MACROD2: variants seen among roughly 807,000 people sequenced by gnomAD.
MACROD2 encodes mono-ADP ribosylhydrolase 2, also known as ADP-ribose glycohydrolase MACROD2.
A neutral mutation model predicts 70.4 loss-of-function variants in MACROD2; 36 were observed. The observed-to-expected ratio is 0.51, with a 90% CI of 0.39 to 0.68. MACROD2 has a LOEUF of 0.68. Ranked by LOEUF, MACROD2 falls within the 30% of genes least tolerant of loss-of-function variation. The pLI, the probability that MACROD2 is intolerant of heterozygous loss-of-function variation, is 0.00. For synonymous variants in MACROD2, 172 were observed against 178.8 expected, an observed-to-expected ratio of 0.96 and a Z score of 0.30; for missense variants, 496 against 538.4, an observed-to-expected ratio of 0.92 and a Z score of 0.78.
intron 5 of MACROD2, among the ~76,000 whole-genome samples, chr20:14,879,445 A>G (rs2073586859): frequency 6.6e-6 from 1 of 152,206 alleles, no homozygotes; most frequent in African/African-American, 2.4e-5. Context: ...GTATACACAT[A>G]TAGATTTGAC....
At chr20:14,183,851 T>A (rs2081324301) in intron 3 of MACROD2, among the ~76,000 whole-genome samples, 1 of 152,136 alleles carries the variant, frequency 6.6e-6, no homozygotes, top group South Asian at 2.1e-4. Context: ...AAAAGTCCTG[T>A]TCATTTCCTT....
At chr20:15,268,978 G>A (rs961505423) in intron 6 of MACROD2, among the ~76,000 whole-genome samples, 2 of 152,196 alleles carry the variant, frequency 1.3e-5, no homozygotes, top group Non-Finnish European at 2.9e-5. Context: ...AAAGAGGAAT[G>A]CCATCTGAAT....
chr20:15,073,190 C>T (rs1021147049), intron 5 of MACROD2, among the ~76,000 whole-genome samples: 1 of 151,944 alleles, frequency 6.6e-6, no homozygotes, highest in Admixed American at 6.6e-5. Context: ...CTAAGATACC[C>T]ATGAAGGAGA....
At chr20:15,866,955 A>G (rs796226788) in intron 9 of MACROD2, among the ~76,000 whole-genome samples, 3 of 152,270 alleles carry the variant, frequency 2.0e-5, no homozygotes, top group African/African-American at 7.2e-5. Flanking sequence ...GCCTCTAAAA[A>G]CAAAGTACCA....
At chr20:15,878,738 C>A (rs541524522) in intron 9 of MACROD2, among the ~76,000 whole-genome samples, 1 of 152,164 alleles carries the variant, frequency 6.6e-6, no homozygotes, top group Non-Finnish European at 1.5e-5. Context: ...AAACAAAAAT[C>A]ATTCACATTA....
In MACROD2 at chr20:15,238,176, C is replaced by T. The variant is rs79216555; in HGVS notation, c.540+8115C>T. On this transcript the variant is annotated intron_variant, in intron 6 of 17. Coordinates refer to ENST00000684519, the MANE Select transcript of MACROD2 (RefSeq NM_001351661.2). ...GCAAAGCTACATTGAATATGCTAAA[C>T]ACAGGTTGCTCAAAGATTTTTATTC... Among the ~76,000 whole-genome samples the T allele has an allele frequency of 9.6e-4, 146 of 152,262 alleles. 1 individual carries two copies. In the East Asian group the frequency reaches 0.027, roughly 28 times the overall value.
chr20:15,975,924 C>T (rs939849290), intron 13 of MACROD2, among the ~76,000 whole-genome samples: 5 of 152,102 alleles, frequency 3.3e-5, no homozygotes, highest in African/African-American at 1.2e-4. Flanking sequence ...CTAGGCTTAA[C>T]TTTTGTTCTT....
chr20:15,404,135 G>C (rs2045966578), intron 6 of MACROD2, among the ~76,000 whole-genome samples: 1 of 152,144 alleles, frequency 6.6e-6, no homozygotes, highest in Non-Finnish European at 1.5e-5. Flanking sequence ...ATGGGCTGTA[G>C]ACAACTAATA....
rs5840594 is a variant in MACROD2 at position 14,134,801 on chromosome 20, C to CAAAAA, written c.271+49090_271+49094dup. Among the ~76,000 whole-genome samples, 20 of 98,220 alleles carry CAAAAA rather than the reference C, an allele frequency of 2.0e-4. 1 individual carries two copies. The highest frequency in any genetic ancestry group is 1.2e-3 in the Admixed American group (9 of 7,368). 64.4% of individuals were successfully genotyped at this position (98,220 alleles called of 152,430 possible). Reference sequence around the variant, plus strand: ...GCCTGGCGACAGTGAGACTCCGTGTCAAAAAAAAAAAAAAAAAAAAACAGC... The same window carrying CAAAAA: ...GCCTGGCGACAGTGAGACTCCGTGTCAAAAAAAAAAAAAAAAAAAAAAAAAACAGC... On this transcript the variant is annotated intron_variant, in intron 3 of 17. Transcript: ENST00000684519.
At chr20:15,828,038 G>A (rs1338639451) in intron 8 of MACROD2, among the ~76,000 whole-genome samples, 3 of 152,162 alleles carry the variant, frequency 2.0e-5, no homozygotes, top group Non-Finnish European at 4.4e-5. Context: ...TTAGACAGGA[G>A]GAATAAGTTC....
intron 5 of MACROD2, among the ~76,000 whole-genome samples, chr20:14,930,490 G>C (rs187102296): frequency 3.3e-5 from 5 of 152,060 alleles, no homozygotes; most frequent in Admixed American, 2.6e-4. Flanking sequence ...GAGGTCTCAG[G>C]CAAGCTACTT....
intron 8 of MACROD2, among the ~76,000 whole-genome samples, chr20:15,555,701 C>T (rs2048156505): frequency 6.6e-6 from 1 of 151,676 alleles, no homozygotes; most frequent in South Asian, 2.1e-4. Flanking sequence ...ATTAGCTAGG[C>T]ACCTGTAGTC....
At chr20:15,493,164 C>T (rs1333064183) in intron 7 of MACROD2, among the ~76,000 whole-genome samples, 1 of 152,120 alleles carries the variant, frequency 6.6e-6, no homozygotes, top group African/African-American at 2.4e-5. Flanking sequence ...TTCGCCTGGA[C>T]ATTGGTCTCT....
chr20:14,092,830 G>A (rs972078747), intron 3 of MACROD2, among the ~76,000 whole-genome samples: 31 of 152,312 alleles, frequency 2.0e-4, no homozygotes, highest in Admixed American at 8.5e-4. Flanking sequence ...CTACTGAATG[G>A]ATTTAATACT....
intron 10 of MACROD2, among the ~76,000 whole-genome samples, chr20:15,915,844 G>A (rs1484557619): frequency 6.6e-6 from 1 of 152,086 alleles, no homozygotes; most frequent in Non-Finnish European, 1.5e-5. Flanking sequence ...GAGTGCCATG[G>A]TGAAGAGTTT....
Position 14,274,020 on chromosome 20 carries a change from AAG to A in MACROD2, c.271+188295_271+188296del, listed in dbSNP as rs564181639. On this transcript the variant is annotated intron_variant, in intron 3 of 17. Transcript: ENST00000684519. ...AATAATCAATAGCTTACCAACCAAAAAGAGTCCAGGACCAGATGGATTCACAG... is the reference window on the plus strand; with the variant it reads ...AATAATCAATAGCTTACCAACCAAAAAGTCCAGGACCAGATGGATTCACAG... 6.1e-3 allele frequency among the ~76,000 whole-genome samples: 922 copies of A among 152,256 alleles called. 8 individuals carry two copies. The highest frequency in any genetic ancestry group is 0.022 in the African/African-American group (899 of 41,556).
intron 5 of MACROD2, among the ~76,000 whole-genome samples, chr20:14,685,258 A>G (rs1568737965): frequency 6.6e-6 from 1 of 152,128 alleles, no homozygotes; most frequent in Non-Finnish European, 1.5e-5. Flanking sequence ...CATGAGCAAA[A>G]TATACATTAT....
In MACROD2 at chr20:15,428,025, A is replaced by G. The variant is rs182367355; in HGVS notation, c.541-3380A>G. 1.4e-3 allele frequency among the ~76,000 whole-genome samples: 217 copies of G among 152,308 alleles called. 2 individuals are homozygous for G. Among genetic ancestry groups the G allele is most frequent in the East Asian group, 1.4e-3 (7 of 5,182 alleles). On this transcript the variant is annotated intron_variant, in intron 6 of 17. Transcript: ENST00000684519. Reference sequence around the variant, plus strand: ...AAGAATTATCTGGTCCAAAATATCAATAGTGCTGAGGTTGGGAAGCCTTGC... The same window carrying G: ...AAGAATTATCTGGTCCAAAATATCAGTAGTGCTGAGGTTGGGAAGCCTTGC...
rs2077171910 is a variant in MACROD2, at chr20:15,253,338, T to A, written c.540+23277T>A. Among the ~76,000 whole-genome samples, 3 of 152,294 alleles carry A rather than the reference T, an allele frequency of 2.0e-5. No homozygotes were observed. The South Asian group carries it at 6.2e-4, about 32-fold the overall frequency. On this transcript the variant is annotated intron_variant, in intron 6 of 17. Transcript: ENST00000684519. ...AGCCTATGATATTTACTATCTGGCC[T>A]TTTACAAAGTTTCCTGACCCCTGGT...
Sources: allele counts gnomAD v4.1 joint callset (sites outside exome capture counted in the v4.1 genomes callset), GRCh38; gene constraint gnomAD v4.1.1; transcripts MANE v1.5; gene names NCBI Gene and HGNC (gene_info 2026-07-23, HGNC 2026-07-21).